SGCZ: variants seen among roughly 807,000 people sequenced by gnomAD.
SGCZ encodes the protein sarcoglycan zeta, also known as zeta-sarcoglycan.
A neutral mutation model predicts 41.3 loss-of-function variants in SGCZ; 40 were observed. That is an observed-to-expected ratio of 0.97 (90% CI 0.75 to 1.26). The LOEUF is 1.26. SGCZ is among the 50% of genes most tolerant of loss of function. The pLI is 0.00. For missense variants in SGCZ, 552 were observed against 369.8 expected (o/e 1.49, Z -4.04); for synonymous variants, 206 against 137.5 (o/e 1.50, Z -3.49).
At chr8:15,037,979 A>T (rs1018644343) in intron 1 of SGCZ, among the ~76,000 whole-genome samples, 2 of 152,116 alleles carry the variant, frequency 1.3e-5, no homozygotes, top group Non-Finnish European at 2.9e-5. Flanking sequence ...CATATAAAAG[A>T]TTCATGTTCA....
chr8:14,759,008 C>CAAAA (rs760673509), intron 1 of SGCZ, among the ~76,000 whole-genome samples: 6 of 112,524 alleles, frequency 5.3e-5, no homozygotes, highest in African/African-American at 1.5e-4. Flanking sequence ...AACTCCATCT[C>CAAAA]AAAAAAAAAA....
chr8:14,333,399 G>C (rs1372055389), intron 2 of SGCZ, among the ~76,000 whole-genome samples: 1 of 152,058 alleles, frequency 6.6e-6, no homozygotes, highest in East Asian at 1.9e-4. Flanking sequence ...TCTGTAAGTA[G>C]GGGGCTGAGG....
chr8:14,534,979 A>G (rs17119727), intron 2 of SGCZ, among the ~76,000 whole-genome samples: 29,031 of 151,888 alleles, frequency 0.19, 3,137 homozygotes, highest in East Asian at 0.43. Context: ...TATCTCTTCA[A>G]TAAAGTCCCT....
Position 14,601,576 on chromosome 8 carries a change from A to G in SGCZ, c.40-46650T>C, listed in dbSNP as rs144600945. On this transcript the variant is annotated intron_variant, in intron 1 of 7. Coordinates refer to ENST00000382080, the MANE Select transcript of SGCZ (RefSeq NM_139167.4). ...TGATTTTCTTCCCTGAACCTGTTCT[A>G]ATACGTAGAGCATACAAGTTGGTAG... is the stretch of plus-strand genomic sequence containing the variant. Among the ~76,000 whole-genome samples, 1,430 of 152,276 alleles carry G rather than the reference A, an allele frequency of 9.4e-3. 26 individuals carry two copies. Among genetic ancestry groups the G allele is most frequent in the African/African-American group, 0.033 (1,361 of 41,558 alleles).
At chr8:14,837,208 G>A (rs2130616744) in intron 1 of SGCZ, among the ~76,000 whole-genome samples, 1 of 152,258 alleles carries the variant, frequency 6.6e-6, no homozygotes, top group South Asian at 2.1e-4. Context: ...CACCAGTCAA[G>A]GCTGGGTGCT....
intron 1 of SGCZ, among the ~76,000 whole-genome samples, chr8:14,981,736 A>G (rs1247580572): frequency 1.4e-4 from 21 of 152,214 alleles, no homozygotes; most frequent in Non-Finnish European, 1.5e-5. Context: ...GACAATTAAT[A>G]GCTCCGCTTA....
intron 4 of SGCZ, among the ~76,000 whole-genome samples, chr8:14,171,145 T>C (rs1804366969): frequency 7.1e-5 from 1 of 14,176 alleles, no homozygotes; most frequent in Non-Finnish European, 1.8e-4. Flanking sequence ...AATATGTGTT[T>C]CATTAAAAAA....
At chr8:14,622,364 T>C (rs1806314359) in intron 1 of SGCZ, among the ~76,000 whole-genome samples, 1 of 152,162 alleles carries the variant, frequency 6.6e-6, no homozygotes. Context: ...ATGTTCTTAT[T>C]TGTTTCTTTT....
At chr8:14,326,702 G>C (rs187371796) in intron 2 of SGCZ, among the ~76,000 whole-genome samples, 2 of 152,272 alleles carry the variant, frequency 1.3e-5, no homozygotes, top group African/African-American at 4.8e-5. Flanking sequence ...ATTCAGATGA[G>C]AAAATACATA....
At chr8:14,726,405 G>A (rs1810059223) in intron 1 of SGCZ, among the ~76,000 whole-genome samples, 2 of 143,446 alleles carry the variant, frequency 1.4e-5, no homozygotes, top group East Asian at 2.0e-4. Flanking sequence ...AGTTACACAG[G>A]AAGATTAAAA....
In SGCZ at chr8:14,684,416, C is replaced by A. The variant is rs552679976; in HGVS notation, c.40-129490G>T. Among the ~76,000 whole-genome samples, 4 of 152,240 alleles carry A rather than the reference C, an allele frequency of 2.6e-5. No individual in the cohort carries two copies. The East Asian group carries it at 7.7e-4, about 29-fold the overall frequency. Reference sequence around the variant, plus strand: ...GTTACATCACATTTCATACAACTTACAGGAATTTCACTAATATTTTTGGCT... The same window carrying A: ...GTTACATCACATTTCATACAACTTAAAGGAATTTCACTAATATTTTTGGCT... On this transcript the variant is annotated intron_variant, in intron 1 of 7. Transcript: ENST00000382080.
chr8:14,436,887 T>A (rs1299970084), intron 2 of SGCZ, among the ~76,000 whole-genome samples: 1 of 152,174 alleles, frequency 6.6e-6, no homozygotes, highest in African/African-American at 2.4e-5. Flanking sequence ...AGGCTTGGGA[T>A]TTTATTAGAA....
intron 2 of SGCZ, among the ~76,000 whole-genome samples, chr8:14,346,010 T>C (rs1802880079): frequency 6.6e-6 from 1 of 152,122 alleles, no homozygotes. Context: ...GGTGGATACA[T>C]GTCATTGTAT....
At chr8:14,849,244 T>A (rs75604146) in intron 1 of SGCZ, among the ~76,000 whole-genome samples, 2 of 152,086 alleles carry the variant, frequency 1.3e-5, no homozygotes, top group Admixed American at 1.3e-4. Context: ...AAACAAGAAA[T>A]CTTTTTTAAA....
At chr8:15,191,611 G>A (rs979902358) in intron 1 of SGCZ, among the ~76,000 whole-genome samples, 2 of 151,926 alleles carry the variant, frequency 1.3e-5, no homozygotes, top group Non-Finnish European at 2.9e-5. Flanking sequence ...TTATATGAAA[G>A]TATGTGATGA....
intron 1 of SGCZ, among the ~76,000 whole-genome samples, chr8:14,759,839 C>T (rs1245477399): frequency 6.6e-6 from 1 of 152,120 alleles, no homozygotes; most frequent in Non-Finnish European, 1.5e-5. Context: ...ATCAGGGCTA[C>T]TTTAAAAGGA....
At chr8:14,648,555 T>C (rs1807298342) in intron 1 of SGCZ, among the ~76,000 whole-genome samples, 2 of 152,062 alleles carry the variant, frequency 1.3e-5, no homozygotes, top group Non-Finnish European at 2.9e-5. Flanking sequence ...CAGCAAAAAA[T>C]GAATTCCTTA....
At chr8:14,755,035 T>G (rs948229437) in intron 1 of SGCZ, among the ~76,000 whole-genome samples, 1 of 152,196 alleles carries the variant, frequency 6.6e-6, no homozygotes, top group African/African-American at 2.4e-5. Context: ...TGGCCTGGAT[T>G]TCTCAACATA....
At chr8:14,164,882 T>C in intron 4 of SGCZ, 180 bp from the exon 5 acceptor site, 2 of 744,232 alleles carry the variant, frequency 2.7e-6, no homozygotes, top group Non-Finnish European at 4.2e-6. Flanking sequence ...TTTGGGAATG[T>C]ACTTCTGTGC....
Sources: gnomAD v4.1 joint callset for allele counts (sites outside exome capture counted in the v4.1 genomes callset) on GRCh38, gnomAD v4.1.1 for gene constraint, MANE v1.5 for transcripts, NCBI Gene and HGNC (gene_info 2026-07-23, HGNC 2026-07-21) for gene names.